JAK2: variants seen among roughly 807,000 people sequenced by gnomAD.
JAK2 encodes tyrosine-protein kinase JAK2.
A neutral mutation model predicts 139.3 loss-of-function variants in JAK2; 86 were observed. The ratio of observed to expected loss-of-function variants is 0.62; its 90% CI spans 0.52 to 0.74. JAK2 has a LOEUF of 0.74. Ranked by LOEUF, JAK2 falls within the 30% of genes least tolerant of loss-of-function variation. JAK2 has a pLI of 0.00. For synonymous variants in JAK2, 490 were observed against 437.7 expected (o/e 1.12, Z -1.49); for missense variants, 1,421 against 1,360.3 (o/e 1.04, Z -0.70).
chr9:5,004,215 T>C (rs911717223), intron 2 of JAK2, among the ~76,000 whole-genome samples: 1 of 152,198 alleles, frequency 6.6e-6, no homozygotes, highest in African/African-American at 2.4e-5. Context: ...TGATGTACAA[T>C]AGATCTCTTC....
At chr9:4,999,794 C>T (rs1285873808) in intron 2 of JAK2, among the ~76,000 whole-genome samples, 1 of 152,166 alleles carries the variant, frequency 6.6e-6, no homozygotes, top group Non-Finnish European at 1.5e-5. Context: ...GCTAAGTTGC[C>T]ACAATTTATC....
At position 5,081,708 on chromosome 9, in the gene JAK2, A is replaced by G; in HGVS notation, c.2435-17A>G. The G allele has an allele frequency of 1.3e-6, 2 of 1,558,336 alleles. No homozygotes were observed. Among genetic ancestry groups the G allele is most frequent in the East Asian group, 2.2e-5 (1 of 44,616 alleles). Reference sequence around the variant, plus strand: ...TTATTTGCTAATTTAAGGTGATAATATTCTTTATTTCTCCAGATTATGAAC... The same window carrying G: ...TTATTTGCTAATTTAAGGTGATAATGTTCTTTATTTCTCCAGATTATGAAC... On this transcript the variant is annotated splice_polypyrimidine_tract_variant and intron_variant, in intron 18 of 24. Transcript: ENST00000381652.
At chr9:5,004,140 A>G (rs918034042) in intron 2 of JAK2, among the ~76,000 whole-genome samples, 8 of 152,174 alleles carry the variant, frequency 5.3e-5, no homozygotes, top group African/African-American at 1.9e-4. Flanking sequence ...TTTTGTGGTG[A>G]GAACACTTAA....
chr9:5,086,588 A>ATACTT (rs1563990007), intron 19 of JAK2, among the ~76,000 whole-genome samples: 2 of 151,980 alleles, frequency 1.3e-5, no homozygotes, highest in African/African-American at 4.8e-5. Flanking sequence ...TGCCCTTCCA[A>ATACTT]TACTTAAAAA....
chr9:5,111,847 G>A (rs879337580), intron 22 of JAK2: 119 of 400,756 alleles, frequency 3.0e-4, no homozygotes, highest in Non-Finnish European at 5.6e-4. Flanking sequence ...CGGCGGGGCC[G>A]ACAACCTCCT....
At position 5,066,635 on chromosome 9, in the gene JAK2, G is replaced by C. The variant is rs771179672; in HGVS notation, c.1215-43G>C. The C allele has an allele frequency of 1.5e-5, 16 of 1,045,738 alleles. No individual in the cohort carries two copies. In the Admixed American group the frequency reaches 2.6e-4, roughly 17 times the overall value. The allele number at this position is 1,045,738 out of a possible 1,614,324, so 64.8% of individuals were successfully genotyped here. ...AGATGACACTTGGTCATAATATTAT[G>C]GTGCTTGATATATTATTCAAATTGC... On this transcript the variant is annotated intron_variant, in intron 9 of 24. Transcript: ENST00000381652.
At chr9:5,088,683 C>G (rs1820317430) in intron 19 of JAK2, among the ~76,000 whole-genome samples, 1 of 152,208 alleles carries the variant, frequency 6.6e-6, no homozygotes, top group Admixed American at 6.5e-5. Flanking sequence ...CCTGGAAAGT[C>G]TGAGATCAAA....
At chr9:5,071,791 T>C (rs972828657) in intron 12 of JAK2, among the ~76,000 whole-genome samples, 4 of 152,166 alleles carry the variant, frequency 2.6e-5, no homozygotes, top group African/African-American at 7.2e-5. Context: ...GCCAGGTAAC[T>C]TGACTAACAT....
chr9:5,047,861 A>G (rs1351784044), intron 5 of JAK2, among the ~76,000 whole-genome samples: 1 of 152,096 alleles, frequency 6.6e-6, no homozygotes, highest in African/African-American at 2.4e-5. Flanking sequence ...TCAGCCTCCC[A>G]AAGTGCTGGG....
chr9:5,060,679 C>T (rs1288556760), intron 8 of JAK2, among the ~76,000 whole-genome samples: 1 of 152,224 alleles, frequency 6.6e-6, no homozygotes, highest in African/African-American at 2.4e-5. Context: ...GTGAACCCCT[C>T]AAAGTCATCC....
intron 23 of JAK2, 25 bp downstream of exon 23, chr9:5,123,146 C>G: frequency 6.8e-7 from 1 of 1,463,382 alleles, no homozygotes; most frequent in South Asian, 1.2e-5. Flanking sequence ...TATTTACTTT[C>G]AGTTTTTTGT....
chr9:5,051,031 G>A (rs1424152690), intron 6 of JAK2, among the ~76,000 whole-genome samples, 200 bp downstream of exon 6: 1 of 152,114 alleles, frequency 6.6e-6, no homozygotes, highest in Non-Finnish European at 1.5e-5. Flanking sequence ...CTTACCAGTT[G>A]AGCACCCCTA....
intron 23 of JAK2, among the ~76,000 whole-genome samples, chr9:5,123,604 A>G (rs942865884): frequency 2.0e-5 from 3 of 152,140 alleles, no homozygotes; most frequent in Middle Eastern, 3.4e-3. Context: ...GAATGCTGCA[A>G]TAAACATACA....
intron 2 of JAK2, among the ~76,000 whole-genome samples, chr9:5,013,765 TAG>T (rs1220613041): frequency 6.6e-6 from 1 of 152,196 alleles, no homozygotes; most frequent in East Asian, 1.9e-4. Context: ...TGTCATTTTG[TAG>T]CACTTAATTT....
At chr9:5,031,851 T>C (rs116954921) in intron 4 of JAK2, among the ~76,000 whole-genome samples, 2,803 of 152,302 alleles carry the variant, frequency 0.018, 26 homozygotes, top group South Asian at 0.033. Flanking sequence ...GACGGGTGAT[T>C]TCTGCATTTC....
In JAK2 at chr9:5,080,392, T is replaced by A. The variant is rs192823036; in HGVS notation, c.2283+12T>A. The A allele has an allele frequency of 6.3e-7, 1 of 1,595,234 alleles. No individual in the cohort carries two copies. Among genetic ancestry groups the A allele is most frequent in the East Asian group, 2.2e-5 (1 of 44,688 alleles). ...TGGATTCTCAAAGAGTAAGTTTATA[T>A]AGACTAAGTTAGAATTACTCTATCT... On this transcript the variant is annotated intron_variant, in intron 17 of 24. Transcript: ENST00000381652.
intron 5 of JAK2, among the ~76,000 whole-genome samples, chr9:5,046,395 A>C (rs149964010): frequency 6.6e-6 from 1 of 152,248 alleles, no homozygotes; most frequent in Non-Finnish European, 1.5e-5. Flanking sequence ...TGATGGACAA[A>C]AGTTTTAAAT....
rs1822479265 is a variant in JAK2 at position 5,111,166 on chromosome 9, G to A, written c.3060-11838G>A. 2.0e-5 allele frequency: 15 copies of A among 760,152 alleles called. No individual in the cohort carries two copies. In the Admixed American group the frequency reaches 2.1e-4, roughly 11 times the overall value. The allele number at this position is 760,152 out of a possible 1,614,324, so 47.1% of individuals were successfully genotyped here. ...AGGCGCTCAACTTGCTGAGTCGCAC[G>A]GCAGCCACTCTCCATTCACATTCCT... On this transcript the variant is annotated intron_variant, in intron 22 of 24. Coordinates refer to ENST00000381652, the MANE Select transcript of JAK2 (RefSeq NM_004972.4).
rs1321390489 is a variant in JAK2, at chr9:5,127,260, A to G, written c.*469A>G. On this transcript the variant is annotated 3_prime_UTR_variant, in exon 25 of 25. Coordinates refer to ENST00000381652, the MANE Select transcript of JAK2 (RefSeq NM_004972.4). The stretch of plus-strand genomic sequence containing the variant: ...TAATACTGTTTTCTAATTTTTCCAT[A>G]GTTAATCTATAATTAATTACTTCAC... 1 of 232,440 alleles carries G rather than the reference A, an allele frequency of 4.3e-6. No homozygotes were observed. Among genetic ancestry groups the G allele is most frequent in the East Asian group, 6.0e-5 (1 of 16,550 alleles). The allele number at this position is 232,440 out of a possible 1,614,324, so 14.4% of individuals were successfully genotyped here. A position where few individuals can be genotyped will look rare whatever the true frequency, so the allele number is the denominator to read the frequency against.
Sources: gnomAD v4.1 joint callset for allele counts (sites outside exome capture counted in the v4.1 genomes callset) on GRCh38, gnomAD v4.1.1 for gene constraint, MANE v1.5 for transcripts, NCBI Gene and HGNC (gene_info 2026-07-23, HGNC 2026-07-21) for gene names.